TACR1: variants seen among roughly 807,000 people sequenced by gnomAD.
The protein encoded by TACR1 is substance-P receptor.
In TACR1, 25 loss-of-function variants were observed where a neutral mutation model predicts 35.8. The observed-to-expected ratio is 0.70, with a 90% CI of 0.51 to 0.98. The LOEUF is 0.98. Ranked by LOEUF, TACR1 falls within the 50% of genes least tolerant of loss-of-function variation. The pLI is 0.00. For synonymous variants in TACR1, 195 were observed against 206.7 expected, an observed-to-expected ratio of 0.94 and a Z score of 0.48; for missense variants, 478 against 522.9, an observed-to-expected ratio of 0.91 and a Z score of 0.84.
At chr2:75,071,382 T>C (rs1335274764) in intron 2 of TACR1, among the ~76,000 whole-genome samples, 1 of 152,230 alleles carries the variant, frequency 6.6e-6, no homozygotes, top group Non-Finnish European at 1.5e-5. Flanking sequence ...AATCTTATCC[T>C]TCTTCAAGGT....
At chr2:75,068,096 A>G (rs182352202) in intron 2 of TACR1, among the ~76,000 whole-genome samples, 19 of 152,320 alleles carry the variant, frequency 1.2e-4, no homozygotes, top group East Asian at 3.9e-4. Flanking sequence ...ATCTATGTCT[A>G]TGTCTCTAAG....
chr2:75,167,681 A>G (rs1675178858), intron 1 of TACR1, among the ~76,000 whole-genome samples: 1 of 152,212 alleles, frequency 6.6e-6, no homozygotes, highest in African/African-American at 2.4e-5. Context: ...GAACATTTTA[A>G]ACTAAAAATC....
At chr2:75,067,855 G>A (rs1400556908) in intron 2 of TACR1, among the ~76,000 whole-genome samples, 1 of 152,192 alleles carries the variant, frequency 6.6e-6, no homozygotes, top group Admixed American at 6.5e-5. Flanking sequence ...GGGGGCCACA[G>A]CCTCTAGGGT....
intron 2 of TACR1, among the ~76,000 whole-genome samples, chr2:75,057,985 T>TC (rs1672601789): frequency 6.6e-6 from 1 of 152,032 alleles, no homozygotes; most frequent in East Asian, 1.9e-4. Context: ...AGTCTTTTGC[T>TC]CCCCCAGGCA....
In TACR1 at chr2:75,159,516, G is replaced by A. The variant is rs71418765; in HGVS notation, c.390-38748C>T. 6.5e-3 allele frequency among the ~76,000 whole-genome samples: 984 copies of A among 152,150 alleles called. 7 individuals are homozygous for A. The highest frequency in any genetic ancestry group is 8.9e-3 in the Non-Finnish European group (604 of 67,998). The stretch of plus-strand genomic sequence containing the variant: ...CAGGAAACAGGAAGAATTTCCACTA[G>A]CCAAAGTTCTGAGGAAGTTACAGGC... On this transcript the variant is annotated intron_variant, in intron 1 of 4. Coordinates refer to ENST00000305249, the MANE Select transcript of TACR1 (RefSeq NM_001058.4).
intron 2 of TACR1, among the ~76,000 whole-genome samples, chr2:75,065,588 T>C (rs554693349): frequency 4.6e-5 from 7 of 152,146 alleles, no homozygotes; most frequent in Admixed American, 3.9e-4. Context: ...GATGAGCTTC[T>C]CTCGATGCAG....
chr2:75,072,457 T>C (rs1353515491), intron 2 of TACR1, among the ~76,000 whole-genome samples: 2 of 152,184 alleles, frequency 1.3e-5, no homozygotes, highest in African/African-American at 4.8e-5. Context: ...AAGGAAAATA[T>C]AGGGCAGAAA....
At chr2:75,143,938 A>G (rs1271685497) in intron 1 of TACR1, among the ~76,000 whole-genome samples, 3 of 152,192 alleles carry the variant, frequency 2.0e-5, no homozygotes, top group African/African-American at 7.2e-5. Flanking sequence ...TAACCTCCCT[A>G]ACTTCCAAGC....
chr2:75,051,225 A>G (rs777796473), intron 4 of TACR1, 26 bp downstream of exon 4: 6 of 1,613,878 alleles, frequency 3.7e-6, no homozygotes, highest in Non-Finnish European at 5.1e-6. Flanking sequence ...TGGCCCCTGG[A>G]GAGCTCATGG....
At chr2:75,141,751 GT>G (rs1274956985) in intron 1 of TACR1, among the ~76,000 whole-genome samples, 1 of 152,164 alleles carries the variant, frequency 6.6e-6, no homozygotes, top group Non-Finnish European at 1.5e-5. Context: ...CTCAAAATGT[GT>G]TACAGAAATC....
At chr2:75,136,885 G>C (rs1207134905) in intron 1 of TACR1, among the ~76,000 whole-genome samples, 1 of 152,216 alleles carries the variant, frequency 6.6e-6, no homozygotes, top group South Asian at 2.1e-4. Context: ...ACAGCTGGGG[G>C]TGGATGATGG....
chr2:75,180,895 G>T (rs1423563759), intron 1 of TACR1, among the ~76,000 whole-genome samples: 3 of 152,184 alleles, frequency 2.0e-5, no homozygotes, highest in Non-Finnish European at 4.4e-5. Flanking sequence ...AATAACTGTT[G>T]AATTTCTACA....
chr2:75,157,621 T>C (rs962091103), intron 1 of TACR1, among the ~76,000 whole-genome samples: 24 of 152,206 alleles, frequency 1.6e-4, no homozygotes, highest in Non-Finnish European at 3.1e-4. Context: ...ATCCCCCACC[T>C]AAGGGTTGAA....
chr2:75,057,225 TC>T (rs60648143), intron 2 of TACR1, among the ~76,000 whole-genome samples: 8,698 of 152,218 alleles, frequency 0.057, 827 homozygotes, highest in African/African-American at 0.2. Context: ...TGAAATTCCT[TC>T]TCCTGGCTCA....
intron 1 of TACR1, among the ~76,000 whole-genome samples, chr2:75,166,008 A>G (rs1372955794): frequency 6.6e-6 from 1 of 152,224 alleles, no homozygotes; most frequent in Non-Finnish European, 1.5e-5. Flanking sequence ...CTTAACCTTT[A>G]ATTAAAAAGT....
chr2:75,089,583 G>A (rs561893003), intron 2 of TACR1, among the ~76,000 whole-genome samples: 12 of 152,258 alleles, frequency 7.9e-5, no homozygotes, highest in Non-Finnish European at 1.0e-4. Context: ...AAAAAAATAA[G>A]TGGAGCCCTT....
intron 1 of TACR1, among the ~76,000 whole-genome samples, chr2:75,137,745 A>G (rs1674327541): frequency 6.6e-6 from 1 of 151,144 alleles, no homozygotes; most frequent in South Asian, 2.1e-4. Context: ...AAAAAAAAAA[A>G]AAAAAAAAAA....
In TACR1 at chr2:75,191,837, A is replaced by G. The variant is rs1302135841; in HGVS notation, c.389+6709T>C. ...CATGGTCAGTTTGCTCATGACGCACACATTTTAATGAGTACCTACTCTGTG... is the reference window on the plus strand; with the variant it reads ...CATGGTCAGTTTGCTCATGACGCACGCATTTTAATGAGTACCTACTCTGTG... On this transcript the variant is annotated intron_variant, in intron 1 of 4. Coordinates refer to ENST00000305249, the MANE Select transcript of TACR1 (RefSeq NM_001058.4). Among the ~76,000 whole-genome samples, 4 of 152,136 alleles carry G rather than the reference A, an allele frequency of 2.6e-5. No homozygotes were observed. In the East Asian group the frequency reaches 7.7e-4, roughly 29 times the overall value.
chr2:75,060,662 C>T (rs980927826), intron 2 of TACR1, among the ~76,000 whole-genome samples: 1 of 152,180 alleles, frequency 6.6e-6, no homozygotes, highest in Non-Finnish European at 1.5e-5. Flanking sequence ...GGTGGAAAAC[C>T]ATGAGGTGGT....
Sources: allele counts gnomAD v4.1 joint callset (sites outside exome capture counted in the v4.1 genomes callset), GRCh38; gene constraint gnomAD v4.1.1; transcripts MANE v1.5; gene names NCBI Gene and HGNC (gene_info 2026-07-23, HGNC 2026-07-21).